Variants in SPATS2 observed in about 807,000 individuals in gnomAD.
The protein encoded by SPATS2 is spermatogenesis-associated serine-rich protein 2.
In SPATS2, 38 loss-of-function variants were observed where a neutral mutation model predicts 63.7. That is an observed-to-expected ratio of 0.60 (90% CI 0.46 to 0.78). SPATS2 has a LOEUF of 0.78. Ranked by LOEUF, SPATS2 falls within the 30% of genes least tolerant of loss-of-function variation. The pLI is 0.00. For missense variants in SPATS2, 588 were observed against 666.2 expected (o/e 0.88, Z 1.29); for synonymous variants, 207 against 232.9 (o/e 0.89, Z 1.01).
intron 2 of SPATS2, among the ~76,000 whole-genome samples, chr12:49,408,339 G>T (rs1355500756): frequency 1.3e-5 from 2 of 148,838 alleles, no homozygotes; most frequent in African/African-American, 5.0e-5. Context: ...TGCAACCTCC[G>T]TCTCCTGGGC....
chr12:49,394,932 G>C (rs572824219), intron 2 of SPATS2, among the ~76,000 whole-genome samples: 1 of 152,048 alleles, frequency 6.6e-6, no homozygotes, highest in South Asian at 2.1e-4. Flanking sequence ...ATTTAGCTGG[G>C]CTTGGTGGCA....
chr12:49,425,932 C>G (rs1477523969), intron 2 of SPATS2, among the ~76,000 whole-genome samples: 2 of 152,138 alleles, frequency 1.3e-5, no homozygotes, highest in African/African-American at 4.8e-5. Context: ...CATGCCCAGC[C>G]AGTATTAATA....
intron 2 of SPATS2, among the ~76,000 whole-genome samples, chr12:49,455,951 T>G (rs1163362213): frequency 6.6e-6 from 1 of 152,238 alleles, no homozygotes; most frequent in Non-Finnish European, 1.5e-5. Flanking sequence ...ATTTCCCTTT[T>G]AAATTTCTAT....
intron 10 of SPATS2, among the ~76,000 whole-genome samples, chr12:49,517,064 T>C (rs1222026418): frequency 6.6e-6 from 1 of 152,246 alleles, no homozygotes; most frequent in Non-Finnish European, 1.5e-5. Flanking sequence ...CTATGAGTTA[T>C]CTGTTACGTG....
At chr12:49,406,643 A>C (rs1181224770) in intron 2 of SPATS2, 2 of 152,072 alleles carry the variant, frequency 1.3e-5, no homozygotes, top group Admixed American at 6.6e-5. Context: ...GTCAGCGGTC[A>C]GTGATAGCTG....
intron 9 of SPATS2, among the ~76,000 whole-genome samples, chr12:49,502,664 C>G (rs1477884568): frequency 2.6e-5 from 4 of 152,126 alleles, no homozygotes; most frequent in African/African-American, 9.7e-5. Context: ...ACCATATTGC[C>G]CAGGCTGGTC....
intron 9 of SPATS2, among the ~76,000 whole-genome samples, chr12:49,513,910 A>C (rs570418174): frequency 1.3e-5 from 2 of 152,294 alleles, no homozygotes; most frequent in South Asian, 4.1e-4. Flanking sequence ...TAATCCCAGC[A>C]CTTTGGGAGG....
intron 9 of SPATS2, 151 bp downstream of exon 9, chr12:49,500,356 G>C: frequency 3.4e-6 from 3 of 882,732 alleles, no homozygotes. Flanking sequence ...TTTCTGCTTT[G>C]TTCTATTTCT....
intron 3 of SPATS2, chr12:49,469,389 CAA>C (rs779364300): frequency 0.062 from 4,210 of 68,084 alleles, no homozygotes; most frequent in South Asian, 0.09. Context: ...GACTCTGTCT[CAA>C]AAAAAAAAAA....
At chr12:49,426,314 C>T (rs1203163349) in intron 2 of SPATS2, among the ~76,000 whole-genome samples, 2 of 151,920 alleles carry the variant, frequency 1.3e-5, no homozygotes. Context: ...AGATCAGGAT[C>T]CTAGAAGCCC....
chr12:49,453,902 A>G (rs2137631345), intron 2 of SPATS2, among the ~76,000 whole-genome samples: 2 of 118,288 alleles, frequency 1.7e-5, no homozygotes, highest in African/African-American at 6.8e-5. Context: ...TTGCTCTGTC[A>G]CCCAGGCTGG....
chr12:49,480,529 A>G (rs774480331), intron 3 of SPATS2, among the ~76,000 whole-genome samples: 123 of 152,188 alleles, frequency 8.1e-4, no homozygotes, highest in Non-Finnish European at 1.6e-3. Flanking sequence ...GAGGGCAGGA[A>G]ACGTTTCTTG....
intron 3 of SPATS2, chr12:49,462,288 A>G (rs1413159568): frequency 1.4e-6 from 1 of 702,280 alleles, no homozygotes; most frequent in African/African-American, 1.7e-5. Context: ...GGAGAGCGCG[A>G]GTGAACAAGG....
chr12:49,419,535 G>T (rs1944944103), intron 2 of SPATS2, among the ~76,000 whole-genome samples: 1 of 152,216 alleles, frequency 6.6e-6, no homozygotes, highest in African/African-American at 2.4e-5. Context: ...TGGTATTAGA[G>T]ATATTTTTAA....
At chr12:49,386,127 C>T (rs1245758725) in intron 2 of SPATS2, among the ~76,000 whole-genome samples, 3 of 149,872 alleles carry the variant, frequency 2.0e-5, no homozygotes, top group Admixed American at 1.3e-4. Context: ...CCTCGGCCCC[C>T]AAAGTGCTGG....
At chr12:49,414,641 G>A (rs1287321884) in intron 2 of SPATS2, among the ~76,000 whole-genome samples, 2 of 152,038 alleles carry the variant, frequency 1.3e-5, no homozygotes, top group Admixed American at 1.3e-4. Flanking sequence ...TTCTTGCTCT[G>A]TCTCAAAGGC....
intron 3 of SPATS2, among the ~76,000 whole-genome samples, chr12:49,467,007 A>G (rs565680188): frequency 1.7e-5 from 2 of 114,872 alleles, no homozygotes; most frequent in Non-Finnish European, 3.8e-5. Flanking sequence ...CAACTCTTGC[A>G]TTTTTCTTAA....
chr12:49,449,734 C>A (rs932349177), intron 2 of SPATS2, among the ~76,000 whole-genome samples: 1 of 152,158 alleles, frequency 6.6e-6, no homozygotes, highest in Non-Finnish European at 1.5e-5. Flanking sequence ...ATAAAACCAT[C>A]AGATCTCTTG....
Position 49,526,089 on chromosome 12 carries a change from C to T in SPATS2, c.1472C>T (p.Ala491Val). ...WYSSGSRYQS[A>V]PSQAPGNTIE... is the part of the protein sequence containing the mutation. ...TCATCTGGTTCCAGGTATCAGAGTG[C>T]TCCATCTCAGGCACCAGGAAACACC... Residue 491 changes from alanine (A) to valine (V), a missense_variant, in exon 14 of 14, where the codon GCT becomes GTT. Ala to Val is a moderately conservative substitution (Grantham distance 64, BLOSUM62 0). Coordinates refer to ENST00000552918, the MANE Select transcript of SPATS2 (RefSeq NM_023071.4). The T allele has an allele frequency of 6.2e-7, 1 of 1,614,194 alleles. No homozygotes were observed. The highest frequency in any genetic ancestry group is 8.5e-7 in the Non-Finnish European group (1 of 1,180,038).
Sources: allele counts gnomAD v4.1 joint callset (sites outside exome capture counted in the v4.1 genomes callset), GRCh38; gene constraint gnomAD v4.1.1; transcripts MANE v1.5; gene names NCBI Gene and HGNC (gene_info 2026-07-23, HGNC 2026-07-21).